SOS2: variants seen among roughly 807,000 people sequenced by gnomAD.
The protein encoded by SOS2 is SOS Ras/Rho guanine nucleotide exchange factor 2, also known as son of sevenless homolog 2.
SOS2 carries 65 observed loss-of-function variants against 148.2 expected under a neutral mutation model. The observed-to-expected ratio is 0.44, with a 90% CI of 0.36 to 0.54. The LOEUF is 0.54. Among genes scored for constraint, SOS2 ranks in the 20% least tolerant of loss-of-function variants. SOS2 has a pLI of 0.00. For missense variants in SOS2, 1,341 were observed against 1,590.2 expected (o/e 0.84, Z 2.67); for synonymous variants, 539 against 537.1 (o/e 1.00, Z -0.05).
chr14:50,193,513 G>C lies in SOS2; in HGVS notation c.511-4813C>G, dbSNP rs186926432. 1.8e-3 allele frequency among the ~76,000 whole-genome samples: 274 copies of C among 152,032 alleles called. 4 individuals are homozygous for C. Among genetic ancestry groups the C allele is most frequent in the Admixed American group, 4.7e-3 (71 of 15,238 alleles). On this transcript the variant is annotated intron_variant, in intron 4 of 22. Coordinates refer to ENST00000216373, the MANE Select transcript of SOS2 (RefSeq NM_006939.4). Reference sequence around the variant, plus strand: ...TTGATATGCTAGAATACCTCATATAGCCACATGTTATTTTTATTTTTAACT... The same window carrying C: ...TTGATATGCTAGAATACCTCATATACCCACATGTTATTTTTATTTTTAACT...
At chr14:50,204,504 G>T (rs1484261451) in intron 1 of SOS2, 95 bp from the exon 2 acceptor site, 2 of 737,588 alleles carry the variant, frequency 2.7e-6, no homozygotes, top group Admixed American at 5.8e-5. Flanking sequence ...TACTATAATG[G>T]TTACTCAAAA....
chr14:50,226,386 G>C (rs1887377481), intron 1 of SOS2, among the ~76,000 whole-genome samples: 1 of 152,136 alleles, frequency 6.6e-6, no homozygotes, highest in East Asian at 1.9e-4. Context: ...TACTTTTCTT[G>C]TGGGCCTCAG....
At chr14:50,120,060 G>A (rs1000264432) in intron 22 of SOS2, among the ~76,000 whole-genome samples, 5 of 152,052 alleles carry the variant, frequency 3.3e-5, no homozygotes, top group South Asian at 2.1e-4. Flanking sequence ...TGATCTACCC[G>A]CCTGGCATGA....
At chr14:50,166,936 A>T (rs1362519129) in intron 8 of SOS2, among the ~76,000 whole-genome samples, 1 of 152,122 alleles carries the variant, frequency 6.6e-6, no homozygotes, top group Non-Finnish European at 1.5e-5. Flanking sequence ...GGCTGGGCAC[A>T]CGGGCTCATG....
At chr14:50,173,101 G>A (rs2139674688) in intron 8 of SOS2, among the ~76,000 whole-genome samples, 1 of 152,138 alleles carries the variant, frequency 6.6e-6, no homozygotes, top group Non-Finnish European at 1.5e-5. Context: ...CTCCCAAGTA[G>A]GTGGGACTAT....
chr14:50,157,117 C>T lies in SOS2; in HGVS notation c.1939G>A (p.Glu647Lys). The change falls in exon 12 of 23, where the codon GAA becomes AAA. Residue 647 changes from glutamate (E) to lysine (K), a missense_variant. By Grantham distance (56) the Glu-to-Lys change is moderately conservative. Coordinates refer to ENST00000216373, the MANE Select transcript of SOS2 (RefSeq NM_006939.4). ...TCAGTAGGTTCTGGCTCTGGAATTTCAAACCTAAGAAGAAAAGCAAAAGGA... is the reference window on the plus strand; with the variant it reads ...TCAGTAGGTTCTGGCTCTGGAATTTTAAACCTAAGAAGAAAAGCAAAAGGA... ...ELLSLLIERF[E>K]IPEPEPTDAD... 6.2e-7 allele frequency: 1 copy of T among 1,609,940 alleles called. No individual in the cohort carries two copies.
chr14:50,152,956 C>T, intron 13 of SOS2, 114 bp downstream of exon 13: 1 of 542,402 alleles, frequency 1.8e-6, no homozygotes, highest in South Asian at 2.4e-5. Context: ...CAAAGCAAAG[C>T]TCTGTTTCAA....
rs577232672 is a variant in SOS2 at position 50,183,842 on chromosome 14, T to C, written c.715-1236A>G. On this transcript the variant is annotated intron_variant, in intron 5 of 22. Transcript: ENST00000216373. ...CAGATTTCATCCAAGCTCCCGTCTG[T>C]GAATTACAGCCATTCACTGCTTAAA... Among the ~76,000 whole-genome samples, 4 of 152,370 alleles carry C rather than the reference T, an allele frequency of 2.6e-5. No individual in the cohort carries two copies. In the East Asian group the frequency reaches 7.7e-4, roughly 29 times the overall value.
intron 12 of SOS2, among the ~76,000 whole-genome samples, chr14:50,154,639 C>A (rs529229402): frequency 6.6e-6 from 1 of 152,116 alleles, no homozygotes; most frequent in Non-Finnish European, 1.5e-5. Context: ...CACAACCTCG[C>A]AATAAAATAA....
At chr14:50,174,385 C>A in intron 8 of SOS2, 69 bp downstream of exon 8, 1 of 738,928 alleles carries the variant, frequency 1.4e-6, no homozygotes. Flanking sequence ...TGTGTGTCTC[C>A]AAAATTAATT....
At chr14:50,179,195 T>G (rs1052402333) in intron 7 of SOS2, among the ~76,000 whole-genome samples, 1 of 152,076 alleles carries the variant, frequency 6.6e-6, no homozygotes, top group African/African-American at 2.4e-5. Context: ...TCATAAAGAA[T>G]GGTAAAAAAT....
intron 8 of SOS2, among the ~76,000 whole-genome samples, chr14:50,167,294 T>A (rs934507006): frequency 6.6e-6 from 1 of 152,088 alleles, no homozygotes; most frequent in Non-Finnish European, 1.5e-5. Context: ...CTTTATGTTA[T>A]GAATATACTC....
Position 50,227,199 on chromosome 14 carries a change from C to T in SOS2, c.87+3998G>A, listed in dbSNP as rs565018512. Among the ~76,000 whole-genome samples, 35 of 151,758 alleles carry T rather than the reference C, an allele frequency of 2.3e-4. No homozygotes were observed. In the East Asian group the frequency reaches 4.3e-3, roughly 18 times the overall value. On this transcript the variant is annotated intron_variant, in intron 1 of 22. Coordinates refer to ENST00000216373, the MANE Select transcript of SOS2 (RefSeq NM_006939.4). ...CATTTCTATTCCCAAAATTATTTTT[C>T]CATAAACCTATTTGTCTATCTCTGT...
intron 14 of SOS2, 28 bp from the exon 15 acceptor site, chr14:50,145,624 A>T (rs1475141737): frequency 6.9e-7 from 1 of 1,459,826 alleles, no homozygotes. Flanking sequence ...AGTGCAACTT[A>T]ACCTATAAAG....
At chr14:50,175,967 T>C (rs747385522) in intron 7 of SOS2, among the ~76,000 whole-genome samples, 13 of 152,256 alleles carry the variant, frequency 8.5e-5, no homozygotes, top group Non-Finnish European at 1.5e-4. Flanking sequence ...GATTAATTCA[T>C]TTTCACATTT....
chr14:50,212,203 C>T (rs986425375), intron 1 of SOS2, among the ~76,000 whole-genome samples: 9 of 152,262 alleles, frequency 5.9e-5, no homozygotes, highest in Admixed American at 5.9e-4. Context: ...AGGCCAGGCG[C>T]GGTGGCTCGC....
chr14:50,177,801 T>A (rs561198211), intron 7 of SOS2, among the ~76,000 whole-genome samples: 1 of 152,192 alleles, frequency 6.6e-6, no homozygotes, highest in East Asian at 1.9e-4. Context: ...AGGGAGAAGA[T>A]GGTAAGTTCA....
Position 50,153,076 on chromosome 14 carries a change from C to T in SOS2, c.2155G>A (p.Val719Ile), listed in dbSNP as rs1258039800. Reference protein sequence around the residue: ...LERLESFISSVRGKAMKKWVE... With the variant: ...LERLESFISSIRGKAMKKWVE... Reference sequence around the variant, plus strand: ...AAACCTTTATATAATATACCTCTTACACTTGAAATGAAGGATTCTAGTCTT... The same window carrying T: ...AAACCTTTATATAATATACCTCTTATACTTGAAATGAAGGATTCTAGTCTT... The change falls in exon 13 of 23, where the codon GTA becomes ATA. Residue 719 changes from valine (V) to isoleucine (I), a missense_variant. This residue lies in a region of SOS2 where 408 missense variants were observed against 506.6 expected (regional missense o/e 0.81). Transcript: ENST00000216373. 2.6e-6 allele frequency: 4 copies of T among 1,510,058 alleles called. No individual in the cohort carries two copies. In the Admixed American group the frequency reaches 5.1e-5, roughly 19 times the overall value. 93.5% of individuals were successfully genotyped at this position (1,510,058 alleles called of 1,614,324 possible).
chr14:50,123,015 ATAAGTAAAAG>A (rs1883569989), intron 21 of SOS2, among the ~76,000 whole-genome samples: 1 of 152,204 alleles, frequency 6.6e-6, no homozygotes, highest in African/African-American at 2.4e-5. Context: ...TTAGGGAAAG[ATAAGTAAAAG>A]TATGATGCCT....
Sources: allele counts gnomAD v4.1 joint callset (sites outside exome capture counted in the v4.1 genomes callset), GRCh38; gene constraint gnomAD v4.1.1; regional missense constraint gnomAD v4.1.1; transcripts MANE v1.5; gene names NCBI Gene and HGNC (gene_info 2026-07-23, HGNC 2026-07-21).